Variants in STK3 observed in about 807,000 individuals in gnomAD.
The protein encoded by STK3 is serine/threonine kinase 3.
A neutral mutation model predicts 58.0 loss-of-function variants in STK3; 41 were observed. The observed-to-expected ratio is 0.71, with a 90% CI of 0.55 to 0.92. STK3 has a LOEUF of 0.92. Among genes scored for constraint, STK3 ranks in the 40% least tolerant of loss-of-function variants. STK3 has a pLI of 0.00. For missense variants in STK3, 479 were observed against 602.7 expected (o/e 0.79, Z 2.15); for synonymous variants, 170 against 191.0 (o/e 0.89, Z 0.91).
At chr8:98,716,263 A>T (rs1412546381) in intron 4 of STK3, among the ~76,000 whole-genome samples, 1 of 152,180 alleles carries the variant, frequency 6.6e-6, no homozygotes, top group African/African-American at 2.4e-5. Flanking sequence ...GTGCACATGT[A>T]CCCTAAAACT....
At chr8:98,746,586 C>G (rs1390368484) in intron 4 of STK3, among the ~76,000 whole-genome samples, 2 of 151,792 alleles carry the variant, frequency 1.3e-5, no homozygotes, top group Non-Finnish European at 2.9e-5. Context: ...GCACTACAGC[C>G]TGAGTGACAG....
chr8:98,372,274 A>G (rs1817617717), intron 2 of STK3, among the ~76,000 whole-genome samples: 1 of 152,124 alleles, frequency 6.6e-6, no homozygotes, highest in East Asian at 1.9e-4. Flanking sequence ...GCTTTAAGCC[A>G]CTCAGTTTGC....
chr8:98,469,865 G>A (rs1282626871), intron 10 of STK3, among the ~76,000 whole-genome samples: 1 of 152,200 alleles, frequency 6.6e-6, no homozygotes, highest in South Asian at 2.1e-4. Flanking sequence ...AATTCAATGT[G>A]CTCTTGAGGA....
intron 6 of STK3, among the ~76,000 whole-genome samples, chr8:98,665,773 G>A (rs1364964915): frequency 2.0e-5 from 3 of 149,616 alleles, no homozygotes; most frequent in Non-Finnish European, 4.4e-5. Flanking sequence ...GCGCGATCTC[G>A]GCTCACTGCA....
chr8:98,727,681 T>G (rs1435529636), intron 4 of STK3, among the ~76,000 whole-genome samples: 1 of 152,214 alleles, frequency 6.6e-6, no homozygotes, highest in African/African-American at 2.4e-5. Flanking sequence ...AAAAAAGGGA[T>G]ACAATAATTG....
intron 6 of STK3, among the ~76,000 whole-genome samples, chr8:98,705,339 G>A (rs906039428): frequency 1.3e-5 from 2 of 152,006 alleles, no homozygotes; most frequent in Admixed American, 1.3e-4. Context: ...CCTGAGCCCA[G>A]GAGGTCGAGG....
intron 4 of STK3, among the ~76,000 whole-genome samples, chr8:98,736,474 G>C (rs1010424614): frequency 6.6e-6 from 1 of 151,992 alleles, no homozygotes; most frequent in Admixed American, 6.6e-5. Context: ...GAAGAAAGGA[G>C]GTAATACATA....
chr8:98,754,839 C>G (rs1830192408), intron 3 of STK3, among the ~76,000 whole-genome samples: 1 of 152,092 alleles, frequency 6.6e-6, no homozygotes, highest in Non-Finnish European at 1.5e-5. Context: ...TGAATGTTCT[C>G]ATTCAAAATT....
chr8:98,904,647 G>C, intron 1 of STK3: 1 of 627,830 alleles, frequency 1.6e-6, no homozygotes, highest in Non-Finnish European at 3.0e-6. Context: ...CGTTCATACC[G>C]GGCCATGTCG....
At chr8:98,503,539 A>G (rs1823796101) in intron 10 of STK3, among the ~76,000 whole-genome samples, 1 of 152,160 alleles carries the variant, frequency 6.6e-6, no homozygotes, top group African/African-American at 2.4e-5. Context: ...GTGGGCATTT[A>G]GTGCTATAAA....
chr8:98,745,487 C>G (rs1390211436), intron 4 of STK3, among the ~76,000 whole-genome samples: 1 of 151,956 alleles, frequency 6.6e-6, no homozygotes, highest in Admixed American at 6.6e-5. Flanking sequence ...ACTAAAATGT[C>G]TGGAGAAAAT....
chr8:98,572,411 T>G (rs527243294), intron 8 of STK3, among the ~76,000 whole-genome samples: 1 of 152,274 alleles, frequency 6.6e-6, no homozygotes, highest in Non-Finnish European at 1.5e-5. Context: ...ATCACTTCAA[T>G]GAAATAAATT....
At chr8:98,915,204 G>T (rs975319288) in intron 1 of STK3, among the ~76,000 whole-genome samples, 2 of 151,924 alleles carry the variant, frequency 1.3e-5, no homozygotes, top group Non-Finnish European at 1.5e-5. Flanking sequence ...CCCTTAATCT[G>T]GGTGGACACA....
intron 8 of STK3, among the ~76,000 whole-genome samples, chr8:98,571,345 G>A (rs770670105): frequency 2.0e-5 from 3 of 151,884 alleles, no homozygotes; most frequent in Non-Finnish European, 4.4e-5. Context: ...AAAAAAAGAA[G>A]GTAGACTTTT....
At chr8:98,927,195 C>T (rs527693084) in intron 1 of STK3, among the ~76,000 whole-genome samples, 25 of 152,152 alleles carry the variant, frequency 1.6e-4, no homozygotes, top group Non-Finnish European at 3.1e-4. Context: ...GCTGGCAATC[C>T]AACTTTATTT....
chr8:98,788,861 G>A (rs1174895244), intron 1 of STK3, among the ~76,000 whole-genome samples: 1 of 152,146 alleles, frequency 6.6e-6, no homozygotes. Flanking sequence ...CATCAACACA[G>A]AAAGTCAACA....
the STK3 span, among the ~76,000 whole-genome samples, chr8:98,359,754 G>A: frequency 6.6e-6 from 1 of 152,032 alleles, no homozygotes; most frequent in African/African-American, 2.4e-5. Flanking sequence ...CCAAATCTTT[G>A]ATATAAGTCA....
chr8:98,764,405 TAAAG>T (rs760535983), intron 3 of STK3, among the ~76,000 whole-genome samples: 1 of 152,136 alleles, frequency 6.6e-6, no homozygotes, highest in Non-Finnish European at 1.5e-5. Flanking sequence ...CAGGTGCTAA[TAAAG>T]AAAAATATAT....
chr8:98,844,738 TACAGGTGTGAGCC>T (rs1836135091), intron 3 of STK3, among the ~76,000 whole-genome samples: 1 of 152,104 alleles, frequency 6.6e-6, no homozygotes, highest in Admixed American at 6.6e-5. Context: ...GTGCTGGGAT[TACAGGTGTGAGCC>T]ACTGTGCCCG....
Sources: gnomAD v4.1 joint callset for allele counts (sites outside exome capture counted in the v4.1 genomes callset) on GRCh38, gnomAD v4.1.1 for gene constraint, MANE v1.5 for transcripts, NCBI Gene and HGNC (gene_info 2026-07-23, HGNC 2026-07-21) for gene names.